The following CEMIP variants were observed in gnomAD, a reference collection of about 807,000 sequenced individuals.
CEMIP encodes the protein cell migration inducing hyaluronidase 1.
A neutral mutation model predicts 156.9 loss-of-function variants in CEMIP; 105 were observed. That is an observed-to-expected ratio of 0.67 (90% confidence interval 0.57 to 0.79). The LOEUF (loss-of-function observed/expected upper bound fraction) is 0.79, where lower values mean the gene tolerates loss of function less well. Ranked by LOEUF, CEMIP falls within the 30% of genes least tolerant of loss-of-function variation. The probability of loss-of-function intolerance (pLI) is 0.00; values close to 1 mark genes in which losing one functional copy is unlikely to be tolerated. For missense variants in CEMIP, 1,457 were observed against 1,769.4 expected (o/e 0.82, Z 3.17); for synonymous variants, 676 against 668.4 (o/e 1.01, Z -0.17).
intron 1 of CEMIP, among the ~76,000 whole-genome samples, chr15:80,802,874 T>C (rs1179401554): frequency 6.6e-6 from 1 of 152,236 alleles, no homozygotes; most frequent in Non-Finnish European, 1.5e-5. Context: ...CCCTTGGTTT[T>C]GTAAAGGAAT....
chr15:80,840,356 A>AG (rs780155351), intron 1 of CEMIP, among the ~76,000 whole-genome samples: 42 of 152,168 alleles, frequency 2.8e-4, no homozygotes, highest in Non-Finnish European at 4.6e-4. Flanking sequence ...CTGGAGCAGC[A>AG]GGTCTTGCAA....
At chr15:80,839,289 A>AGAGTGTGTGT (rs1555429516) in intron 1 of CEMIP, among the ~76,000 whole-genome samples, 2 of 131,120 alleles carry the variant, frequency 1.5e-5, no homozygotes, top group Non-Finnish European at 3.2e-5. Flanking sequence ...CAAGGCCGTG[A>AGAGTGTGTGT]GTGTGTGTGT....
At chr15:80,830,369 C>A (rs1287383016) in intron 1 of CEMIP, among the ~76,000 whole-genome samples, 3 of 152,178 alleles carry the variant, frequency 2.0e-5, no homozygotes, top group Non-Finnish European at 2.9e-5. Context: ...ATCCACAGTT[C>A]TTTGTCTCTT....
intron 14 of CEMIP, among the ~76,000 whole-genome samples, chr15:80,916,326 C>G (rs1900273725): frequency 6.6e-6 from 1 of 152,204 alleles, no homozygotes; most frequent in Non-Finnish European, 1.5e-5. Flanking sequence ...GGAGTTTTCT[C>G]CTACACAATC....
intron 1 of CEMIP, among the ~76,000 whole-genome samples, chr15:80,869,102 A>T (rs1898205633): frequency 6.6e-6 from 1 of 152,200 alleles, no homozygotes; most frequent in Non-Finnish European, 1.5e-5. Flanking sequence ...CTTGGCTTGA[A>T]GGTGGCTGTC....
intron 1 of CEMIP, among the ~76,000 whole-genome samples, chr15:80,870,589 CAG>C (rs934278542): frequency 2.3e-4 from 35 of 152,222 alleles, no homozygotes; most frequent in African/African-American, 7.7e-4. Flanking sequence ...GAAGGGAGAG[CAG>C]AGACTCAGGT....
intron 16 of CEMIP, 121 bp from the exon 17 acceptor site, chr15:80,921,888 C>T: frequency 7.7e-7 from 1 of 1,298,224 alleles, no homozygotes; most frequent in South Asian, 1.2e-5. Flanking sequence ...GCACCGAGGG[C>T]TCCTGTGGGT....
chr15:80,881,160 G>T (rs775061898), intron 6 of CEMIP, 24 bp downstream of exon 6: 16 of 1,585,680 alleles, frequency 1.0e-5, no homozygotes, highest in Non-Finnish European at 1.3e-5. Context: ...TCACTTAAAC[G>T]TATACTCATT....
At chr15:80,926,830 G>T (rs995875637) in intron 19 of CEMIP, among the ~76,000 whole-genome samples, 6 of 108,434 alleles carry the variant, frequency 5.5e-5, no homozygotes, top group Non-Finnish European at 8.6e-5. Flanking sequence ...GGGGGGGGGG[G>T]GTCTTCTTTT....
intron 1 of CEMIP, among the ~76,000 whole-genome samples, chr15:80,825,942 G>A (rs1315627280): frequency 1.3e-5 from 2 of 152,152 alleles, no homozygotes; most frequent in Non-Finnish European, 2.9e-5. Flanking sequence ...AAAAGATTGT[G>A]GGCACCTGGC....
chr15:80,839,188 G>A (rs1235366350), intron 1 of CEMIP, among the ~76,000 whole-genome samples: 2 of 152,092 alleles, frequency 1.3e-5, no homozygotes, highest in African/African-American at 2.4e-5. Flanking sequence ...CGGCCTGAAA[G>A]CCACTTCTCC....
intron 6 of CEMIP, among the ~76,000 whole-genome samples, chr15:80,882,764 ACAC>A (rs1214040832): frequency 2.7e-5 from 4 of 150,618 alleles, no homozygotes; most frequent in Non-Finnish European, 5.9e-5. Context: ...ACATACACAC[ACAC>A]ACACACACAC....
In CEMIP at chr15:80,878,875, A is replaced by G. The variant is rs368147528; in HGVS notation, c.241+8A>G. 359 of 1,614,178 alleles carry G rather than the reference A, an allele frequency of 2.2e-4. 5 individuals carry two copies. The South Asian group carries it at 3.8e-3, about 17-fold the overall frequency. Reference sequence around the variant, plus strand: ...TCCACATCTCAGAGGGAGGTAAGCCAATCTCTCTCTGCTGCTCCCTCTTCC... The same window carrying G: ...TCCACATCTCAGAGGGAGGTAAGCCGATCTCTCTCTGCTGCTCCCTCTTCC... On this transcript the variant is annotated splice_region_variant and intron_variant, in intron 4 of 29. Coordinates refer to ENST00000394685, the MANE Select transcript of CEMIP (RefSeq NM_001293298.2).
intron 1 of CEMIP, among the ~76,000 whole-genome samples, chr15:80,861,257 T>C (rs1424354844): frequency 6.6e-6 from 1 of 152,088 alleles, no homozygotes; most frequent in Admixed American, 6.6e-5. Context: ...CCATTCCTCC[T>C]CCCTGTCCCT....
intron 29 of CEMIP, chr15:80,947,967 A>T (rs1901634208): frequency 6.6e-6 from 1 of 152,274 alleles, no homozygotes; most frequent in South Asian, 2.1e-4. Flanking sequence ...TCAGAAACCC[A>T]TCATATGGGG....
intron 1 of CEMIP, among the ~76,000 whole-genome samples, chr15:80,850,567 C>T (rs745639578): frequency 2.0e-5 from 3 of 152,188 alleles, no homozygotes; most frequent in African/African-American, 2.4e-5. Flanking sequence ...TGAGGCATCA[C>T]GCCCAGCCAT....
intron 1 of CEMIP, among the ~76,000 whole-genome samples, chr15:80,817,563 T>C (rs1896813717): frequency 6.6e-6 from 1 of 151,272 alleles, no homozygotes; most frequent in South Asian, 2.1e-4. Flanking sequence ...ATTGCATCAC[T>C]GCACTCCAGC....
chr15:80,790,442 A>T (rs1896052439), intron 1 of CEMIP, among the ~76,000 whole-genome samples: 1 of 152,226 alleles, frequency 6.6e-6, no homozygotes, highest in South Asian at 2.1e-4. Flanking sequence ...TTATTGGGCA[A>T]CTAAAACATT....
In CEMIP at chr15:80,881,020, C is replaced by A. The variant is rs1386695412; in HGVS notation, c.501C>A (p.Thr167=). 4 of 1,614,186 alleles carry A rather than the reference C, an allele frequency of 2.5e-6. No homozygotes were observed. The highest frequency in any genetic ancestry group is 2.2e-5 in the South Asian group (2 of 91,080). ...TCTCCTGGACATTTCTGAACAAGAC[C>A]CTTCACCCAGGTGGCATGGCAGAAG... is the stretch of plus-strand genomic sequence containing the variant. ...KKLSWTFLNK[T]LHPGGMAEGG... is the part of the protein sequence containing the mutation. Residue 167 remains threonine, a synonymous_variant, in exon 6 of 30, where the codon ACC becomes ACA. Coordinates refer to ENST00000394685, the MANE Select transcript of CEMIP (RefSeq NM_001293298.2).
Sources: allele counts gnomAD v4.1 joint callset (sites outside exome capture counted in the v4.1 genomes callset), GRCh38; gene constraint gnomAD v4.1.1; transcripts MANE v1.5; gene names NCBI Gene and HGNC (gene_info 2026-07-23, HGNC 2026-07-21).